WIPF1: variants seen among roughly 807,000 people sequenced by gnomAD.
WIPF1 encodes the protein WAS/WASL interacting protein family member 1.
In WIPF1, 13 loss-of-function variants were observed where a neutral mutation model predicts 35.4. The ratio of observed to expected loss-of-function variants is 0.37; its 90% CI spans 0.24 to 0.58. The LOEUF is 0.58. Ranked by LOEUF, WIPF1 falls within the 20% of genes least tolerant of loss-of-function variation. The pLI is 0.74. For synonymous variants in WIPF1, 267 were observed against 266.3 expected, an observed-to-expected ratio of 1.00 and a Z score of -0.02; for missense variants, 591 against 667.0, an observed-to-expected ratio of 0.89 and a Z score of 1.25.
At chr2:174,573,523 A>T (rs6755710) in intron 4 of WIPF1, among the ~76,000 whole-genome samples, 9 of 152,100 alleles carry the variant, frequency 5.9e-5, no homozygotes, top group South Asian at 2.1e-4. Context: ...GAGTGCTTGG[A>T]GAGGCCAGGG....
chr2:174,663,062 C>T (rs1006487062), intron 1 of WIPF1, among the ~76,000 whole-genome samples: 12 of 152,160 alleles, frequency 7.9e-5, no homozygotes, highest in South Asian at 2.1e-4. Context: ...TATAAACATG[C>T]CCTTTTCAAT....
chr2:174,661,871 G>T (rs905118219), intron 1 of WIPF1, among the ~76,000 whole-genome samples: 1 of 151,642 alleles, frequency 6.6e-6, no homozygotes, highest in Non-Finnish European at 1.5e-5. Flanking sequence ...TGTGGTGTCT[G>T]GGGGGGTGTG....
chr2:174,682,726 C>A (rs1450966979), intron 1 of WIPF1: 3 of 151,740 alleles, frequency 2.0e-5, no homozygotes, highest in African/African-American at 7.2e-5. Flanking sequence ...TCCCCCGGCC[C>A]CCGGGAGCCC....
At chr2:174,616,417 C>T (rs935084309) in intron 1 of WIPF1, among the ~76,000 whole-genome samples, 7 of 152,090 alleles carry the variant, frequency 4.6e-5, no homozygotes, top group Admixed American at 6.5e-5. Flanking sequence ...GCAAGTCTGG[C>T]GTCCCTTCCT....
At chr2:174,658,735 C>A (rs561475872) in intron 1 of WIPF1, among the ~76,000 whole-genome samples, 1 of 151,074 alleles carries the variant, frequency 6.6e-6, no homozygotes, top group African/African-American at 2.4e-5. Flanking sequence ...TGTTCTATAG[C>A]GGGATGGTCT....
rs377278963 is a variant in WIPF1, at chr2:174,681,329, G to A, written c.-39+1445C>T. 1.6e-3 allele frequency among the ~76,000 whole-genome samples: 245 copies of A among 152,234 alleles called. 4 individuals carry two copies. The South Asian group carries it at 0.049, about 31-fold the overall frequency. On this transcript the variant is annotated intron_variant, in intron 1 of 8. Transcript: ENST00000272746. ...GTCCCCGAGAAACTCAGCCTTGTGC[G>A]GCTGATAGGCAGGTAGACACACACA...
At chr2:174,582,692 G>T (rs555869047) in intron 2 of WIPF1, among the ~76,000 whole-genome samples, 2 of 152,136 alleles carry the variant, frequency 1.3e-5, no homozygotes, top group Non-Finnish European at 1.5e-5. Flanking sequence ...TGAGTAGTTG[G>T]GATTACAGGC....
Position 174,670,977 on chromosome 2 carries a change from A to T in WIPF1, c.-39+11797T>A, listed in dbSNP as rs568785217. Among the ~76,000 whole-genome samples the T allele has an allele frequency of 6.0e-4, 92 of 152,346 alleles. 1 individual carries two copies. The highest frequency in any genetic ancestry group is 1.3e-3 in the East Asian group (7 of 5,190). On this transcript the variant is annotated intron_variant, in intron 1 of 8. Transcript: ENST00000272746. ...ACACATACTGACACATAAAATGGAC[A>T]GCAATATATTGACTTTTCCAAGGAA...
Position 174,575,221 on chromosome 2 carries a change from G to A in WIPF1, c.341C>T (p.Thr114Met), listed in dbSNP as rs760461657. 6.2e-6 allele frequency: 10 copies of A among 1,611,514 alleles called. No homozygotes were observed. The highest frequency in any genetic ancestry group is 5.0e-5 in the Admixed American group (3 of 59,712). The change falls in exon 4 of 8, where the codon ACG becomes ATG. Residue 114 changes from threonine (T) to methionine (M), a missense_variant. Thr to Met is a moderately conservative substitution (Grantham distance 81). Coordinates refer to ENST00000679041, the MANE Select transcript of WIPF1 (RefSeq NM_001375834.1). Reference sequence around the variant, plus strand: ...CTCCTTACCATTATCCCTGTTGGCCGTGGATCTCAGCTTCGGCATTCCAGC... The same window carrying A: ...CTCCTTACCATTATCCCTGTTGGCCATGGATCTCAGCTTCGGCATTCCAGC... ...FQAGMPKLRS[T>M]ANRDNDSGGS...
intron 1 of WIPF1, among the ~76,000 whole-genome samples, chr2:174,663,095 G>A (rs1687813189): frequency 6.6e-6 from 1 of 152,146 alleles, no homozygotes; most frequent in Admixed American, 6.5e-5. Flanking sequence ...CAAGAATTAC[G>A]GTCAGGAGTG....
In WIPF1 at chr2:174,562,088, T is replaced by C; in HGVS notation, c.*459A>G. 6.4e-7 allele frequency: 1 copy of C among 1,550,676 alleles called. No individual in the cohort carries two copies. The highest frequency in any genetic ancestry group is 1.4e-5 in the African/African-American group (1 of 73,166). ...GATTGGACATCCTGTGACTGCAAGT[T>C]TCCAGTGAGCCCTTACTCAGCAGCT... On this transcript the variant is annotated 3_prime_UTR_variant, in exon 8 of 8. Coordinates refer to ENST00000679041, the MANE Select transcript of WIPF1 (RefSeq NM_001375834.1).
At chr2:174,671,012 T>G (rs1688006553) in intron 1 of WIPF1, among the ~76,000 whole-genome samples, 2 of 152,208 alleles carry the variant, frequency 1.3e-5, no homozygotes, top group Admixed American at 1.3e-4. Context: ...AGTCCGGAAT[T>G]GGTGCTTCCT....
intron 1 of WIPF1, among the ~76,000 whole-genome samples, chr2:174,627,779 A>C (rs972882849): frequency 1.3e-5 from 2 of 152,080 alleles, no homozygotes; most frequent in Non-Finnish European, 2.9e-5. Context: ...CTCCTGGCTC[A>C]AGCAATCCTC....
intron 1 of WIPF1, among the ~76,000 whole-genome samples, chr2:174,674,836 A>G (rs1323049471): frequency 2.0e-5 from 3 of 152,056 alleles, no homozygotes; most frequent in Non-Finnish European, 4.4e-5. Context: ...GCTTTTGGAA[A>G]GTAATACTCC....
At chr2:174,572,687 A>G (rs755990375) in intron 4 of WIPF1, among the ~76,000 whole-genome samples, 6 of 152,192 alleles carry the variant, frequency 3.9e-5, no homozygotes, top group African/African-American at 1.4e-4. Context: ...GATTCTGCAA[A>G]TATCTCTTAG....
At chr2:174,632,860 CAA>C (rs1228646171) in intron 1 of WIPF1, among the ~76,000 whole-genome samples, 3 of 151,954 alleles carry the variant, frequency 2.0e-5, no homozygotes, top group Non-Finnish European at 4.4e-5. Flanking sequence ...AGCCAACTAA[CAA>C]AGCAAAACAA....
In WIPF1 at chr2:174,575,287, A is replaced by T; in HGVS notation, c.275T>A (p.Phe92Tyr). Residue 92 changes from phenylalanine to tyrosine, a missense_variant, in exon 4 of 8, where the codon TTT becomes TAT. By Grantham distance (22) the Phe-to-Tyr change is conservative. Coordinates refer to ENST00000679041, the MANE Select transcript of WIPF1 (RefSeq NM_001375834.1). ...GGGGGGGGGSFGGGGPPGLGG... is the reference protein window; with the variant it reads ...GGGGGGGGGSYGGGGPPGLGG... ...CAGACCTGGAGGTCCGCCCCCTCCA[A>T]AACTTCCACCGCCTCCGCCACCACC... is the stretch of plus-strand genomic sequence containing the variant. The T allele has an allele frequency of 6.2e-7, 1 of 1,613,680 alleles. No homozygotes were observed. The highest frequency in any genetic ancestry group is 8.5e-7 in the Non-Finnish European group (1 of 1,179,852).
chr2:174,650,641 C>T (rs898486443), intron 1 of WIPF1, among the ~76,000 whole-genome samples: 1 of 152,228 alleles, frequency 6.6e-6, no homozygotes, highest in African/African-American at 2.4e-5. Context: ...TAGTATTAAA[C>T]AGTACATCTC....
chr2:174,671,763 CGCCTAGTAAATTTTA>C (rs577109426), intron 1 of WIPF1, among the ~76,000 whole-genome samples: 3,553 of 152,170 alleles, frequency 0.023, 138 homozygotes, highest in African/African-American at 0.079. Flanking sequence ...AGGAAATTCC[CGCCTAGTAAATTTTA>C]GCCTAGTAAA....
Sources: gnomAD v4.1 joint callset for allele counts (sites outside exome capture counted in the v4.1 genomes callset) on GRCh38, gnomAD v4.1.1 for gene constraint, MANE v1.5 for transcripts, NCBI Gene and HGNC (gene_info 2026-07-23, HGNC 2026-07-21) for gene names.